The following GFRA1 variants were observed in gnomAD, a reference collection of about 807,000 sequenced individuals.
GFRA1 encodes the protein GDNF family receptor alpha 1.
GFRA1 carries 16 observed loss-of-function variants against 51.6 expected under a neutral mutation model. The ratio of observed to expected loss-of-function variants is 0.31; its 90% CI spans 0.21 to 0.47. The LOEUF is 0.47. Ranked by LOEUF, GFRA1 falls within the 20% of genes least tolerant of loss-of-function variation. GFRA1 has a pLI of 1.00. For missense variants in GFRA1, 530 were observed against 594.3 expected (o/e 0.89, Z 1.13); for synonymous variants, 270 against 241.3 (o/e 1.12, Z -1.10).
chr10:116,158,666 T>C (rs963036225), intron 5 of GFRA1, among the ~76,000 whole-genome samples: 8 of 152,226 alleles, frequency 5.3e-5, no homozygotes, highest in Non-Finnish European at 8.8e-5. Flanking sequence ...GTCTAGCCAC[T>C]GCTCAGCAGG....
intron 9 of GFRA1, among the ~76,000 whole-genome samples, chr10:116,079,257 G>C (rs1229103844): frequency 6.6e-6 from 1 of 152,038 alleles, no homozygotes; most frequent in Non-Finnish European, 1.5e-5. Flanking sequence ...AGAGCTATGA[G>C]AAATAAATTT....
intron 6 of GFRA1, 56 bp downstream of exon 6, chr10:116,125,165 G>A: frequency 6.8e-7 from 1 of 1,469,596 alleles, no homozygotes; most frequent in Non-Finnish European, 9.5e-7. Context: ...AGCCGAAGCA[G>A]CCGCCAAGAC....
chr10:116,096,881 G>GCACACA (rs1032555165), intron 6 of GFRA1, 117 bp from the exon 7 acceptor site: 3 of 218,026 alleles, frequency 1.4e-5, no homozygotes, highest in African/African-American at 3.1e-5. Context: ...ACACGCACAC[G>GCACACA]CACACACACA....
intron 6 of GFRA1, among the ~76,000 whole-genome samples, chr10:116,123,019 G>A (rs1369071260): frequency 1.3e-5 from 2 of 152,244 alleles, no homozygotes; most frequent in Non-Finnish European, 1.5e-5. Flanking sequence ...CAGGGGGCCA[G>A]GAATTGGAGT....
At chr10:116,082,616 G>A (rs1442502838) in intron 9 of GFRA1, among the ~76,000 whole-genome samples, 1 of 152,068 alleles carries the variant, frequency 6.6e-6, no homozygotes, top group East Asian at 1.9e-4. Flanking sequence ...GAGTAGCTGG[G>A]ATTACAGGCA....
chr10:116,226,223 T>C (rs2134530349), intron 4 of GFRA1, among the ~76,000 whole-genome samples: 1 of 152,302 alleles, frequency 6.6e-6, no homozygotes, highest in African/African-American at 2.4e-5. Flanking sequence ...CTCTGCCAAC[T>C]GGATCCTTGA....
intron 4 of GFRA1, among the ~76,000 whole-genome samples, chr10:116,218,123 C>T (rs1306026738): frequency 6.6e-6 from 1 of 152,142 alleles, no homozygotes; most frequent in African/African-American, 2.4e-5. Flanking sequence ...CAAACACCAG[C>T]GATCTAAGAG....
rs565150949 is a variant in GFRA1 at position 116,163,012 on chromosome 10, C to T, written c.434-37455G>A. ...TGTGCTCCTGACCATTTTAATGTCA[C>T]ATGCTGCTGCTGGCAGGCAACCCCT... On this transcript the variant is annotated intron_variant, in intron 5 of 10. Coordinates refer to ENST00000355422, the MANE Select transcript of GFRA1 (RefSeq NM_005264.8). 1.2e-4 allele frequency among the ~76,000 whole-genome samples: 18 copies of T among 152,282 alleles called. 1 individual carries two copies. In the South Asian group the frequency reaches 1.2e-3, roughly 11 times the overall value.
chr10:116,141,601 G>T (rs1291160829), intron 5 of GFRA1, among the ~76,000 whole-genome samples: 5 of 151,890 alleles, frequency 3.3e-5, no homozygotes. Context: ...GTGGTGGGCG[G>T]GGAGCAGAGT....
At chr10:116,084,504 C>T (rs890592483) in intron 9 of GFRA1, among the ~76,000 whole-genome samples, 5 of 152,132 alleles carry the variant, frequency 3.3e-5, no homozygotes, top group South Asian at 4.1e-4. Flanking sequence ...TGGGGCTGAG[C>T]GTGTGCCCCA....
intron 6 of GFRA1, among the ~76,000 whole-genome samples, chr10:116,116,618 A>G (rs1007068568): frequency 1.3e-5 from 2 of 152,228 alleles, no homozygotes; most frequent in Non-Finnish European, 2.9e-5. Context: ...GCCTGGACTG[A>G]ATAATTGAGC....
chr10:116,272,357 C>T lies in GFRA1; in HGVS notation c.-246-82G>A. The T allele has an allele frequency of 2.2e-6, 1 of 451,942 alleles. No individual in the cohort carries two copies. The highest frequency in any genetic ancestry group is 4.1e-6 in the Non-Finnish European group (1 of 245,984). 28.0% of individuals were successfully genotyped at this position (451,942 alleles called of 1,614,324 possible). A position where few individuals can be genotyped will look rare whatever the true frequency, so the allele number is the denominator to read the frequency against. ...CAGAACCCTCTCCCCTCCCCCGTTCCCGCCTTTGGGGAATTTCCAACACCG... is the reference window on the plus strand; with the variant it reads ...CAGAACCCTCTCCCCTCCCCCGTTCTCGCCTTTGGGGAATTTCCAACACCG... On this transcript the variant is annotated intron_variant, in intron 1 of 10. Transcript: ENST00000355422. This position sits in a 1 kb window ranked among gnomAD's most constrained non-coding sequence, Gnocchi z 4.4.
chr10:116,271,349 C>G (rs974912831), intron 2 of GFRA1, among the ~76,000 whole-genome samples: 5 of 152,112 alleles, frequency 3.3e-5, no homozygotes, highest in Non-Finnish European at 5.9e-5. Flanking sequence ...AGGCTCAGCC[C>G]GCGGGCTTCA....
intron 6 of GFRA1, among the ~76,000 whole-genome samples, chr10:116,111,720 C>T (rs1336929179): frequency 1.3e-5 from 2 of 152,164 alleles, no homozygotes; most frequent in African/African-American, 4.8e-5. Flanking sequence ...GAATGGTAAG[C>T]CCAGACCAGC....
chr10:116,116,804 T>C (rs1222353744), intron 6 of GFRA1, among the ~76,000 whole-genome samples: 1 of 152,126 alleles, frequency 6.6e-6, no homozygotes, highest in African/African-American at 2.4e-5. Flanking sequence ...CTGAGTAGCT[T>C]TTGTTTTATT....
intron 5 of GFRA1, among the ~76,000 whole-genome samples, chr10:116,188,921 T>C (rs527494368): frequency 4.3e-4 from 61 of 143,044 alleles, no homozygotes; most frequent in Admixed American, 6.9e-4. Flanking sequence ...AAAAGGTAAA[T>C]GTTATGTTAT....
chr10:116,229,216 T>G (rs1431648370), intron 4 of GFRA1, among the ~76,000 whole-genome samples: 1 of 151,996 alleles, frequency 6.6e-6, no homozygotes, highest in Non-Finnish European at 1.5e-5. Flanking sequence ...AGTAGGAAAT[T>G]AATACACTGG....
chr10:116,195,524 T>C (rs900789174), intron 5 of GFRA1, among the ~76,000 whole-genome samples: 1 of 152,222 alleles, frequency 6.6e-6, no homozygotes, highest in African/African-American at 2.4e-5. Context: ...GTGCAGTTCA[T>C]AATCGGGTTC....
At chr10:116,221,067 TTAA>T (rs759264762) in intron 4 of GFRA1, among the ~76,000 whole-genome samples, 1 of 152,206 alleles carries the variant, frequency 6.6e-6, no homozygotes, top group Admixed American at 6.5e-5. Flanking sequence ...CTTATTAATA[TTAA>T]TAATAACTAA....
Sources: allele counts gnomAD v4.1 joint callset (sites outside exome capture counted in the v4.1 genomes callset), GRCh38; gene constraint gnomAD v4.1.1; non-coding constraint Gnocchi (gnomAD v3.1); transcripts MANE v1.5; gene names NCBI Gene and HGNC (gene_info 2026-07-23, HGNC 2026-07-21).